The following TRIM2 variants were observed in gnomAD, a reference collection of about 807,000 sequenced individuals.
TRIM2 encodes tripartite motif containing 2, also known as tripartite motif-containing protein 2.
TRIM2 carries 20 observed loss-of-function variants against 75.2 expected under a neutral mutation model. That is an observed-to-expected ratio of 0.27 (90% CI 0.19 to 0.39). TRIM2 has a LOEUF of 0.39. Among genes scored for constraint, TRIM2 ranks in the 10% least tolerant of loss-of-function variants. The pLI is 1.00. For synonymous variants in TRIM2, 373 were observed against 388.3 expected (o/e 0.96, Z 0.46); for missense variants, 660 against 990.8 (o/e 0.67, Z 4.48).
Position 153,273,294 on chromosome 4 carries a change from G to A in TRIM2, c.216-2599G>A, listed in dbSNP as rs1199860507. Among the ~76,000 whole-genome samples the A allele has an allele frequency of 2.7e-4, 6 of 22,638 alleles. 1 individual carries two copies. Among genetic ancestry groups the A allele is most frequent in the South Asian group, 1.4e-3 (1 of 690 alleles). The allele number at this position is 22,638 out of a possible 152,430, so 14.9% of individuals were successfully genotyped here. ...TCTTTTTTTTTTTTTTTTTTTTTTT[G>A]AGACAGAGTCTCGCTCTGCCGCCCG... On this transcript the variant is annotated intron_variant, in intron 2 of 11. Transcript: ENST00000338700.
At position 153,337,245 on chromosome 4, in the gene TRIM2, G is replaced by C. The variant is rs1187425323; in HGVS notation, c.*2279G>C. ...TAGATTCTTTCTGTCCCAGGCTGTT[G>C]ATCTTAAAACTAGTTGATTTAAAGA... is the stretch of plus-strand genomic sequence containing the variant. On this transcript the variant is annotated 3_prime_UTR_variant, in exon 12 of 12. Coordinates refer to ENST00000338700, the MANE Select transcript of TRIM2 (RefSeq NM_015271.5). The C allele has an allele frequency of 2.0e-6, 2 of 985,426 alleles. No individual in the cohort carries two copies. Among genetic ancestry groups the C allele is most frequent in the Non-Finnish European group, 2.4e-6 (2 of 829,904 alleles). The allele number at this position is 985,426 out of a possible 1,614,324, so 61.0% of individuals were successfully genotyped here.
intron 6 of TRIM2, among the ~76,000 whole-genome samples, chr4:153,296,873 A>G (rs1482385624): frequency 6.6e-6 from 1 of 152,206 alleles, no homozygotes; most frequent in East Asian, 1.9e-4. Flanking sequence ...CCATTTAACA[A>G]TGCAGTATCT....
chr4:153,240,932 C>G (rs1746392297), intron 1 of TRIM2, among the ~76,000 whole-genome samples: 1 of 152,172 alleles, frequency 6.6e-6, no homozygotes, highest in African/African-American at 2.4e-5. Context: ...CAAAAATTAG[C>G]TGGGCGTGGT....
chr4:153,334,764 A>G (rs200558727), intron 11 of TRIM2, 50 bp from the exon 12 acceptor site: 1 of 1,510,990 alleles, frequency 6.6e-7, no homozygotes, highest in East Asian at 2.3e-5. Context: ...CATGTTCAGC[A>G]TATTACTATA....
rs555796136 is a variant in TRIM2, at chr4:153,207,155, C to T, written c.30+2595C>T. On this transcript the variant is annotated intron_variant, in intron 1 of 11. Coordinates refer to ENST00000338700, the MANE Select transcript of TRIM2 (RefSeq NM_015271.5). ...AATATCACACCTTCCTCATGATTCA[C>T]ACTTCAGGTCACTTACTCACTGTGT... 2.0e-5 allele frequency among the ~76,000 whole-genome samples: 3 copies of T among 152,300 alleles called. No individual in the cohort carries two copies. In the South Asian group the frequency reaches 6.2e-4, roughly 32 times the overall value.
intron 1 of TRIM2, among the ~76,000 whole-genome samples, chr4:153,212,542 C>G (rs114690826): frequency 0.013 from 1,948 of 152,200 alleles, 40 homozygotes; most frequent in African/African-American, 0.045. Flanking sequence ...GCCTGTGGTC[C>G]CAGCTATTCA....
intron 1 of TRIM2, among the ~76,000 whole-genome samples, chr4:153,156,536 T>C (rs1297245737): frequency 8.5e-5 from 13 of 152,136 alleles, no homozygotes; most frequent in Non-Finnish European, 1.5e-5. Context: ...TGAGTGGGGT[T>C]CAGGAGGCCT....
chr4:153,308,294 C>T (rs1765478740), intron 6 of TRIM2: 1 of 1,547,564 alleles, frequency 6.5e-7, no homozygotes, highest in East Asian at 2.3e-5. Flanking sequence ...AAATAATGTC[C>T]TTCTCCAGAT....
chr4:153,313,921 G>A (rs1224350372), intron 6 of TRIM2, among the ~76,000 whole-genome samples: 3 of 152,122 alleles, frequency 2.0e-5, no homozygotes, highest in African/African-American at 7.2e-5. Flanking sequence ...ACAGGCATGA[G>A]CCACTGTTCC....
intron 3 of TRIM2, among the ~76,000 whole-genome samples, chr4:153,287,130 A>AC (rs2150110866): frequency 6.6e-6 from 1 of 152,188 alleles, no homozygotes; most frequent in Admixed American, 6.5e-5. Flanking sequence ...GGCACACGCC[A>AC]CTATGCTCAG....
At chr4:153,262,348 G>A (rs1195956895) in intron 1 of TRIM2, among the ~76,000 whole-genome samples, 1 of 152,104 alleles carries the variant, frequency 6.6e-6, no homozygotes, top group Non-Finnish European at 1.5e-5. Flanking sequence ...TTGGGTCAGG[G>A]ATGAAATCAT....
rs1171331323 is a variant in TRIM2, at chr4:153,338,351, A to G, written c.*3385A>G. On this transcript the variant is annotated 3_prime_UTR_variant, in exon 12 of 12. Transcript: ENST00000338700. ...TTGTAGACTCTATAGTACCCTCTCT[A>G]TTCACTAGCTTCTGAAAAGGGAGGA... The G allele has an allele frequency of 1.0e-6, 1 of 985,632 alleles. No homozygotes were observed. Among genetic ancestry groups the G allele is most frequent in the Non-Finnish European group, 1.2e-6 (1 of 829,860 alleles). 61.1% of individuals were successfully genotyped at this position (985,632 alleles called of 1,614,324 possible).
At chr4:153,293,557 G>T (rs751659243) in intron 4 of TRIM2, among the ~76,000 whole-genome samples, 2 of 152,270 alleles carry the variant, frequency 1.3e-5, no homozygotes, top group Middle Eastern at 3.4e-3. Flanking sequence ...CTTGAGCAGT[G>T]ATTGCTAATT....
chr4:153,288,749 C>T (rs1452326962), intron 3 of TRIM2, among the ~76,000 whole-genome samples: 1 of 151,678 alleles, frequency 6.6e-6, no homozygotes, highest in Non-Finnish European at 1.5e-5. Context: ...GTCCCACGGG[C>T]CTCTTAGGTT....
chr4:153,171,415 G>A (rs896434511), intron 1 of TRIM2, among the ~76,000 whole-genome samples: 3 of 151,910 alleles, frequency 2.0e-5, no homozygotes, highest in African/African-American at 4.8e-5. Context: ...GTGAAACCCC[G>A]TCTCCACTAA....
intron 1 of TRIM2, chr4:153,156,605 A>G (rs1337646057): frequency 1.3e-5 from 2 of 152,192 alleles, no homozygotes; most frequent in Non-Finnish European, 2.9e-5. Flanking sequence ...GGGGAGGAGT[A>G]TGGATTGATC....
intron 8 of TRIM2, 141 bp from the exon 9 acceptor site, chr4:153,322,507 T>A: frequency 1.3e-6 from 1 of 785,484 alleles, no homozygotes. Flanking sequence ...AGACAGAAGT[T>A]CATTGTGATA....
In TRIM2 at chr4:153,336,804, T is replaced by A. The variant is rs561809390; in HGVS notation, c.*1838T>A. 96 of 985,500 alleles carry A rather than the reference T, an allele frequency of 9.7e-5. No homozygotes were observed. Among genetic ancestry groups the A allele is most frequent in the Non-Finnish European group, 1.2e-4 (96 of 829,708 alleles). 61.0% of individuals were successfully genotyped at this position (985,500 alleles called of 1,614,324 possible). On this transcript the variant is annotated 3_prime_UTR_variant, in exon 12 of 12. Transcript: ENST00000338700. ...AAATCAACCTCTGAAAAAAGGTTTT[T>A]CCAGGAAGATTTACATTTAGGTTTA...
chr4:153,244,425 T>C (rs996926365), intron 1 of TRIM2, among the ~76,000 whole-genome samples: 1 of 110,718 alleles, frequency 9.0e-6, no homozygotes, highest in Non-Finnish European at 1.8e-5. Flanking sequence ...TTCTTCTTCT[T>C]CTTCTTCTTC....
Sources: allele counts gnomAD v4.1 joint callset (sites outside exome capture counted in the v4.1 genomes callset), GRCh38; gene constraint gnomAD v4.1.1; transcripts MANE v1.5; gene names NCBI Gene and HGNC (gene_info 2026-07-23, HGNC 2026-07-21).